GCNT1: variants seen among roughly 807,000 people sequenced by gnomAD.
The protein encoded by GCNT1 is glucosaminyl (N-acetyl) transferase 1, also known as beta-1,3-galactosyl-O-glycosyl-glycoprotein beta-1,6-N-acetylglucosaminyltransferase.
In GCNT1, 16 loss-of-function variants were observed where a neutral mutation model predicts 26.2. That is an observed-to-expected ratio of 0.61 (90% CI 0.41 to 0.93). The LOEUF is 0.93. GCNT1 is among the 40% of genes least tolerant of loss of function. The pLI, the probability that GCNT1 is intolerant of heterozygous loss-of-function variation, is 0.00. For synonymous variants in GCNT1, 183 were observed against 190.8 expected (o/e 0.96, Z 0.34); for missense variants, 477 against 526.7 (o/e 0.91, Z 0.92).
At chr9:76,416,121 C>G (rs909857092), upstream of GCNT1, among the ~76,000 whole-genome samples, 4 of 152,112 alleles carry the variant, frequency 2.6e-5, no homozygotes, top group East Asian at 7.7e-4. Flanking sequence ...TCATACCCCC[C>G]ATCCCATACC....
upstream of GCNT1, among the ~76,000 whole-genome samples, chr9:76,436,915 A>G (rs573941826): frequency 5.3e-4 from 80 of 152,230 alleles, no homozygotes; most frequent in African/African-American, 1.9e-3. Context: ...CAATGAGAAC[A>G]CTTGGACACA....
At chr9:76,431,967 G>T (rs1278129812) in intron 1 of GCNT1, among the ~76,000 whole-genome samples, 1 of 152,034 alleles carries the variant, frequency 6.6e-6, no homozygotes, top group Non-Finnish European at 1.5e-5. Context: ...AAATTAGCCG[G>T]GTGTGGTCAT....
chr9:76,416,482 G>T (rs1003240337), upstream of GCNT1, among the ~76,000 whole-genome samples: 1 of 152,200 alleles, frequency 6.6e-6, no homozygotes, highest in African/African-American at 2.4e-5. Context: ...ACTGCTAAAA[G>T]AGCATTAATT....
chr9:76,412,975 G>A, the GCNT1 span, among the ~76,000 whole-genome samples: 3 of 152,140 alleles, frequency 2.0e-5, no homozygotes, highest in Non-Finnish European at 4.4e-5. Context: ...CCCCAATAAA[G>A]TCTTCAGCCC....
intron 2 of GCNT1, among the ~76,000 whole-genome samples, chr9:76,485,764 T>A (rs1185098396): frequency 6.6e-6 from 1 of 151,286 alleles, no homozygotes; most frequent in African/African-American, 2.4e-5. Flanking sequence ...AAGGTCTCAC[T>A]CTGCTGTCAC....
chr9:76,502,925 T>A lies in GCNT1; in HGVS notation c.544T>A (p.Leu182Met). 6.2e-7 allele frequency: 1 copy of A among 1,613,362 alleles called. No homozygotes were observed. The highest frequency in any genetic ancestry group is 1.3e-5 in the African/African-American group (1 of 75,018). The stretch of plus-strand genomic sequence containing the variant: ...TAGTAATGTCTTTGTGGCCAGCCGA[T>A]TGGAGAGTGTGGTTTATGCATCGTG... ...CFSNVFVASR[L>M]ESVVYASWSR... The change falls in exon 4 of 4, where the codon TTG becomes ATG. Residue 182 changes from leucine to methionine, a missense_variant. Coordinates refer to ENST00000376730, the MANE Select transcript of GCNT1 (RefSeq NM_001490.5).
intron 2 of GCNT1, among the ~76,000 whole-genome samples, chr9:76,492,892 AAT>A (rs1426553034): frequency 1.3e-5 from 2 of 151,932 alleles, no homozygotes; most frequent in Non-Finnish European, 2.9e-5. Context: ...CCTATTATAG[AAT>A]ACCGAGGTTG....
intron 2 of GCNT1, among the ~76,000 whole-genome samples, chr9:76,466,495 C>T (rs911834616): frequency 3.3e-5 from 5 of 152,136 alleles, no homozygotes; most frequent in Non-Finnish European, 5.9e-5. Flanking sequence ...AGACGGGTCT[C>T]ACCATCTGTG....
intron 2 of GCNT1, among the ~76,000 whole-genome samples, chr9:76,496,950 G>A (rs1021634859): frequency 6.6e-6 from 1 of 152,192 alleles, no homozygotes; most frequent in Admixed American, 6.5e-5. Flanking sequence ...ACATGCCCCA[G>A]GTCAGTTGTT....
chr9:76,491,256 CT>C (rs2131630085), intron 2 of GCNT1, among the ~76,000 whole-genome samples: 1 of 151,924 alleles, frequency 6.6e-6, no homozygotes, highest in East Asian at 1.9e-4. Flanking sequence ...TCTCTCTTTC[CT>C]TACTGCTGGT....
At chr9:76,451,946 T>A (rs997260140) in intron 1 of GCNT1, among the ~76,000 whole-genome samples, 4 of 99,990 alleles carry the variant, frequency 4.0e-5, no homozygotes, top group African/African-American at 8.9e-5. Context: ...TTTTCTTTCT[T>A]TCTTTTTTTT....
At chr9:76,417,838 A>G (rs973343891), upstream of GCNT1, among the ~76,000 whole-genome samples, 4 of 152,326 alleles carry the variant, frequency 2.6e-5, no homozygotes, top group Non-Finnish European at 5.9e-5. Context: ...AAGCTCACAC[A>G]TCACCCACCT....
At position 76,484,451 on chromosome 9, in the gene GCNT1, C is replaced by T. The variant is rs952972446; in HGVS notation, c.-289-16465C>T. On this transcript the variant is annotated intron_variant, in intron 2 of 3. Coordinates refer to ENST00000376730, the MANE Select transcript of GCNT1 (RefSeq NM_001490.5). The stretch of plus-strand genomic sequence containing the variant: ...AACAATGATAAGCCCTTTATTTTAA[C>T]ATAAGTAATTTCTTGTGAAAATCTT... Among the ~76,000 whole-genome samples, 12 of 151,048 alleles carry T rather than the reference C, an allele frequency of 7.9e-5. 1 individual carries two copies. The East Asian group carries it at 2.3e-3, about 29-fold the overall frequency.
chr9:76,453,020 C>A (rs144061714), intron 1 of GCNT1, among the ~76,000 whole-genome samples: 9 of 152,370 alleles, frequency 5.9e-5, no homozygotes, highest in Non-Finnish European at 1.3e-4. Flanking sequence ...CTGCTTCAGT[C>A]TGCTTTCAAA....
intron 3 of GCNT1, chr9:76,501,694 C>T (rs1233366460): frequency 6.6e-6 from 1 of 152,158 alleles, no homozygotes; most frequent in East Asian, 1.9e-4. Flanking sequence ...CAAACTTCTC[C>T]CTAAGTATGC....
chr9:76,461,508 G>A (rs1823869489), intron 2 of GCNT1, among the ~76,000 whole-genome samples: 2 of 151,596 alleles, frequency 1.3e-5, no homozygotes, highest in Admixed American at 6.6e-5. Context: ...GCTTGAACCC[G>A]GGAGGCGGAG....
chr9:76,424,606 G>T (rs1312318878), intron 1 of GCNT1, among the ~76,000 whole-genome samples: 1 of 152,132 alleles, frequency 6.6e-6, no homozygotes, highest in Non-Finnish European at 1.5e-5. Context: ...AAACTAGATA[G>T]ACAAGACCTG....
the GCNT1 span, among the ~76,000 whole-genome samples, chr9:76,410,437 C>CATTA: frequency 7.2e-5 from 11 of 151,894 alleles, no homozygotes; most frequent in South Asian, 2.1e-4. Flanking sequence ...TCTTCAAAAA[C>CATTA]ATTAATTAAT....
intron 1 of GCNT1, among the ~76,000 whole-genome samples, chr9:76,446,519 C>T (rs117608019): frequency 0.036 from 5,534 of 152,262 alleles, 148 homozygotes; most frequent in Middle Eastern, 0.099. Flanking sequence ...AGGGTGAGAC[C>T]TATCAACTTT....
Sources: gnomAD v4.1 joint callset for allele counts (sites outside exome capture counted in the v4.1 genomes callset) on GRCh38, gnomAD v4.1.1 for gene constraint, MANE v1.5 for transcripts, NCBI Gene and HGNC (gene_info 2026-07-23, HGNC 2026-07-21) for gene names.